Variants in PTPRD observed in about 807,000 individuals in gnomAD.
PTPRD encodes receptor-type tyrosine-protein phosphatase delta.
In PTPRD, 34 loss-of-function variants were observed where a neutral mutation model predicts 214.5. The observed-to-expected ratio is 0.16, with a 90% CI of 0.12 to 0.21. The LOEUF is 0.21. Ranked by LOEUF, PTPRD falls within the 10% of genes least tolerant of loss-of-function variation. PTPRD has a pLI of 1.00. For missense variants in PTPRD, 2,545 were observed against 2,398.7 expected (o/e 1.06, Z -1.27); for synonymous variants, 1,128 against 845.7 (o/e 1.33, Z -5.79).
intron 12 of PTPRD, among the ~76,000 whole-genome samples, chr9:8,662,743 T>C (rs893263895): frequency 3.9e-5 from 6 of 152,204 alleles, no homozygotes; most frequent in Non-Finnish European, 7.3e-5. Context: ...TCTGAATTTG[T>C]GATTCTCAAA....
intron 45 of PTPRD, among the ~76,000 whole-genome samples, chr9:8,318,821 T>A (rs960396984): frequency 6.6e-6 from 1 of 151,908 alleles, no homozygotes; most frequent in African/African-American, 2.4e-5. Flanking sequence ...GATGGAAAAA[T>A]CACAATTTAC....
At chr9:9,800,089 GTAAAA>G (rs1472477441) in intron 5 of PTPRD, among the ~76,000 whole-genome samples, 1 of 152,098 alleles carries the variant, frequency 6.6e-6, no homozygotes, top group African/African-American at 2.4e-5. Context: ...GTCAAAATAA[GTAAAA>G]TAAAGTTTCC....
chr9:9,229,320 A>AG (rs2099961599), intron 9 of PTPRD, among the ~76,000 whole-genome samples: 2 of 152,124 alleles, frequency 1.3e-5, no homozygotes, highest in Non-Finnish European at 1.5e-5. Flanking sequence ...GTAAAAAAAA[A>AG]TTATTGGAAG....
At chr9:10,453,576 C>T (rs1352681191) in intron 2 of PTPRD, among the ~76,000 whole-genome samples, 1 of 151,346 alleles carries the variant, frequency 6.6e-6, no homozygotes, top group Non-Finnish European at 1.5e-5. Context: ...AATGAGATTG[C>T]TTTTTTAAAA....
At chr9:8,684,556 C>G (rs192626551) in intron 12 of PTPRD, among the ~76,000 whole-genome samples, 39 of 152,248 alleles carry the variant, frequency 2.6e-4, no homozygotes, top group African/African-American at 8.7e-4. Flanking sequence ...CTCAGTAAAA[C>G]TAGCCTCACT....
intron 10 of PTPRD, among the ~76,000 whole-genome samples, chr9:9,050,709 T>C (rs1304553312): frequency 7.1e-6 from 1 of 140,488 alleles, no homozygotes; most frequent in African/African-American, 2.6e-5. Context: ...TTAGTAGCTG[T>C]CTAGGTTATT....
intron 7 of PTPRD, among the ~76,000 whole-genome samples, chr9:9,728,123 C>T (rs1331793039): frequency 6.6e-6 from 1 of 152,084 alleles, no homozygotes; most frequent in Non-Finnish European, 1.5e-5. Context: ...CTCTTGCCTA[C>T]CACCATGTAA....
At chr9:9,701,319 G>A (rs1050802104) in intron 7 of PTPRD, among the ~76,000 whole-genome samples, 14 of 151,986 alleles carry the variant, frequency 9.2e-5, no homozygotes, top group Admixed American at 2.6e-4. Flanking sequence ...AACTAATTAA[G>A]GACAAAAGCA....
At chr9:9,595,061 G>C (rs936682469) in intron 7 of PTPRD, among the ~76,000 whole-genome samples, 5 of 151,714 alleles carry the variant, frequency 3.3e-5, no homozygotes, top group African/African-American at 1.2e-4. Flanking sequence ...AGCAAGAATG[G>C]TCATCATTAA....
At chr9:9,630,609 T>G (rs1409197174) in intron 7 of PTPRD, among the ~76,000 whole-genome samples, 1 of 152,232 alleles carries the variant, frequency 6.6e-6, no homozygotes, top group Non-Finnish European at 1.5e-5. Flanking sequence ...AAATGCCATT[T>G]AAAAGAGCTG....
At chr9:9,925,663 T>C (rs1190520667) in intron 5 of PTPRD, among the ~76,000 whole-genome samples, 1 of 152,086 alleles carries the variant, frequency 6.6e-6, no homozygotes, top group Non-Finnish European at 1.5e-5. Context: ...CCTGCATAAC[T>C]AAACTGAGAT....
At chr9:8,948,108 C>T (rs1588645320) in intron 11 of PTPRD, among the ~76,000 whole-genome samples, 1 of 150,400 alleles carries the variant, frequency 6.6e-6, no homozygotes, top group Non-Finnish European at 1.5e-5. Flanking sequence ...CAACCTCTGC[C>T]TCCTGGGTTC....
intron 2 of PTPRD, among the ~76,000 whole-genome samples, chr9:10,357,650 T>C (rs1294099822): frequency 6.6e-6 from 1 of 152,210 alleles, no homozygotes; most frequent in East Asian, 1.9e-4. Context: ...TATTTTTGTT[T>C]CTTTAAAGTG....
chr9:9,333,289 A>G (rs975392471), intron 9 of PTPRD, among the ~76,000 whole-genome samples: 9 of 151,652 alleles, frequency 5.9e-5, no homozygotes, highest in Admixed American at 1.3e-4. Flanking sequence ...GAAAGGCAGA[A>G]AGAAGGCACT....
At chr9:9,654,671 G>T (rs1273618436) in intron 7 of PTPRD, among the ~76,000 whole-genome samples, 1 of 152,114 alleles carries the variant, frequency 6.6e-6, no homozygotes. Context: ...CTGTCCTCAG[G>T]TTAAAATATT....
intron 8 of PTPRD, among the ~76,000 whole-genome samples, chr9:9,478,219 G>C (rs370422162): frequency 2.5e-4 from 38 of 152,178 alleles, no homozygotes; most frequent in East Asian, 1.5e-3. Flanking sequence ...TCTAATACTT[G>C]TGAGATTTAT....
chr9:9,626,250 G>A (rs1435984008), intron 7 of PTPRD, among the ~76,000 whole-genome samples: 1 of 152,154 alleles, frequency 6.6e-6, no homozygotes, highest in African/African-American at 2.4e-5. Flanking sequence ...TCTGCCGGTG[G>A]TAGTGCAGTG....
At chr9:9,314,618 G>A (rs964002959) in intron 9 of PTPRD, among the ~76,000 whole-genome samples, 4 of 151,974 alleles carry the variant, frequency 2.6e-5, no homozygotes, top group African/African-American at 9.7e-5. Flanking sequence ...CTAGTATAGT[G>A]TTTTGCTTAT....
intron 10 of PTPRD, among the ~76,000 whole-genome samples, chr9:9,180,890 G>T (rs1031317860): frequency 1.3e-5 from 2 of 152,216 alleles, no homozygotes; most frequent in East Asian, 1.9e-4. Flanking sequence ...TAGACAATAT[G>T]GAGAAGTTGG....
Sources: gnomAD v4.1 joint callset for allele counts (sites outside exome capture counted in the v4.1 genomes callset) on GRCh38, gnomAD v4.1.1 for gene constraint, MANE v1.5 for transcripts, NCBI Gene and HGNC (gene_info 2026-07-23, HGNC 2026-07-21) for gene names.